The following OTOGL variants were observed in gnomAD, a reference collection of about 807,000 sequenced individuals.
The protein encoded by OTOGL is otogelin like, also known as otogelin-like protein.
OTOGL carries 285 observed loss-of-function variants against 318.5 expected under a neutral mutation model. The ratio of observed to expected loss-of-function variants is 0.89; its 90% confidence interval spans 0.81 to 0.99. The LOEUF is 0.99. Among genes scored for constraint, OTOGL ranks in the 50% least tolerant of loss-of-function variants. The pLI is 0.00. For missense variants in OTOGL, 2,899 were observed against 2,845.6 expected (o/e 1.02, Z -0.43); for synonymous variants, 987 against 936.5 (o/e 1.05, Z -0.99).
chr12:80,363,510 T>A (rs76819026), intron 52 of OTOGL, among the ~76,000 whole-genome samples: 1,516 of 150,034 alleles, frequency 0.01, 20 homozygotes, highest in African/African-American at 0.035. Context: ...TTGTAACAAG[T>A]TGAACAAATG....
chr12:80,214,949 T>G (rs1877573477), intron 4 of OTOGL, among the ~76,000 whole-genome samples: 1 of 152,124 alleles, frequency 6.6e-6, no homozygotes, highest in Non-Finnish European at 1.5e-5. Context: ...CTTGGTGAAA[T>G]GTATTATGAT....
chr12:80,238,088 A>T (rs1880025756), intron 9 of OTOGL, among the ~76,000 whole-genome samples: 1 of 152,244 alleles, frequency 6.6e-6, no homozygotes, highest in African/African-American at 2.4e-5. Context: ...TAGAGAGACA[A>T]CTTAAAAACT....
chr12:80,130,637 G>A (rs1592477757), intron 1 of OTOGL, among the ~76,000 whole-genome samples: 1 of 152,314 alleles, frequency 6.6e-6, no homozygotes, highest in East Asian at 1.9e-4. Context: ...AAGTTCTACA[G>A]TATATGCTGT....
rs771173954 is a variant in OTOGL at position 80,355,843 on chromosome 12, A to G, written c.5701A>G (p.Ile1901Val). The G allele has an allele frequency of 5.6e-6, 9 of 1,613,970 alleles. No homozygotes were observed. The highest frequency in any genetic ancestry group is 3.3e-4 in the Middle Eastern group (2 of 6,060). ...KCLENGSIIPIEPDCDEEPTP... is the reference protein window; with the variant it reads ...KCLENGSIIPVEPDCDEEPTP... ...TTTGGAGAATGGAAGCATTATCCCT[A>G]TAGAACCTGACTGTGATGAAGAGCC... The change falls in exon 47 of 59, where the codon ATA (isoleucine) becomes GTA (valine). Residue 1901 changes from isoleucine (I) to valine (V), a missense_variant. Ile to Val is a conservative substitution (Grantham distance 29). Transcript: ENST00000547103.
At chr12:80,168,996 C>A (rs1230034946) in intron 1 of OTOGL, among the ~76,000 whole-genome samples, 1 of 152,150 alleles carries the variant, frequency 6.6e-6, no homozygotes, top group African/African-American at 2.4e-5. Flanking sequence ...CTTCTCTAGA[C>A]TGGTGGCTCA....
At chr12:80,364,637 C>G (rs1890421489) in intron 52 of OTOGL, among the ~76,000 whole-genome samples, 1 of 152,024 alleles carries the variant, frequency 6.6e-6, no homozygotes. Context: ...TATTTCTGTT[C>G]TTGGTATTTC....
At chr12:80,212,946 C>A (rs1263767453) in intron 4 of OTOGL, among the ~76,000 whole-genome samples, 1 of 152,004 alleles carries the variant, frequency 6.6e-6, no homozygotes, top group Non-Finnish European at 1.5e-5. Flanking sequence ...GGGGTCCTGA[C>A]CCAGATCCCA....
rs767927262 is a variant in OTOGL, at chr12:80,313,504, G to T, written c.3479G>T (p.Cys1160Phe). The T allele has an allele frequency of 6.2e-7, 1 of 1,611,896 alleles. No individual in the cohort carries two copies. Among genetic ancestry groups the T allele is most frequent in the Non-Finnish European group, 8.5e-7 (1 of 1,178,450 alleles). Residue 1160 changes from cysteine to phenylalanine, a missense_variant, in exon 31 of 59, where the codon TGT (cysteine) becomes TTT (phenylalanine). Cys to Phe is a radical substitution (Grantham distance 205, BLOSUM62 -2). This residue lies in a region of OTOGL where 2,607 missense variants were observed against 2,524.9 expected (regional missense o/e 1.03). Transcript: ENST00000547103. ...GACGTTACTTCTTTTGCCAAAAATT[G>T]TCATGAAGATACATGTAACTGCAAT... ...VIDVTSFAKNCHEDTCNCNLG... is the reference protein window; with the variant it reads ...VIDVTSFAKNFHEDTCNCNLG...
chr12:80,309,852 A>T (rs1886511676), intron 29 of OTOGL, among the ~76,000 whole-genome samples: 1 of 152,110 alleles, frequency 6.6e-6, no homozygotes, highest in Non-Finnish European at 1.5e-5. Flanking sequence ...CAGGAAGGAG[A>T]TGTGGGATGG....
rs995202995 is a variant in OTOGL at position 80,367,556 on chromosome 12, C to G, written c.6332-5C>G. On this transcript the variant is annotated splice_region_variant and splice_polypyrimidine_tract_variant and intron_variant, in intron 53 of 58. Coordinates refer to ENST00000547103, the MANE Select transcript of OTOGL (RefSeq NM_001378609.3). ...TTTCTTATTGACTATGTTTTCTGTT[C>G]TTAGAAAAGGATGATGTGTGTGTAT... 1 of 1,494,366 alleles carries G rather than the reference C, an allele frequency of 6.7e-7. No homozygotes were observed. Among genetic ancestry groups the G allele is most frequent in the African/African-American group, 1.4e-5 (1 of 70,584 alleles). 92.6% of individuals were successfully genotyped at this position (1,494,366 alleles called of 1,614,324 possible).
At chr12:80,127,176 G>T (rs1258844380) in intron 1 of OTOGL, among the ~76,000 whole-genome samples, 3 of 152,130 alleles carry the variant, frequency 2.0e-5, no homozygotes, top group Non-Finnish European at 2.9e-5. Context: ...GCAGTGGCTG[G>T]TACCGGTTTT....
At chr12:80,217,168 TG>T (rs974066256) in intron 4 of OTOGL, among the ~76,000 whole-genome samples, 6 of 151,992 alleles carry the variant, frequency 3.9e-5, no homozygotes, top group Non-Finnish European at 5.9e-5. Context: ...TATCTGCGCC[TG>T]GAAGTGTCAG....
At chr12:80,175,686 G>C (rs78537434) in intron 1 of OTOGL, among the ~76,000 whole-genome samples, 1 of 152,190 alleles carries the variant, frequency 6.6e-6, no homozygotes, top group East Asian at 1.9e-4. Flanking sequence ...GAGTGACTTG[G>C]CAACTCTATG....
chr12:80,309,015 G>A (rs969618968), intron 29 of OTOGL, among the ~76,000 whole-genome samples: 6 of 134,726 alleles, frequency 4.5e-5, no homozygotes, highest in Non-Finnish European at 9.6e-5. Flanking sequence ...AGGGAGAGAA[G>A]AAGTAACTAT....
intron 52 of OTOGL, chr12:80,361,045 A>T (rs1302004513): frequency 6.6e-6 from 1 of 151,978 alleles, no homozygotes; most frequent in African/African-American, 2.4e-5. Flanking sequence ...GTTACTAATG[A>T]TTGTCATTAT....
At chr12:80,101,019 A>C (rs554894179) in intron 1 of OTOGL, among the ~76,000 whole-genome samples, 65 of 152,314 alleles carry the variant, frequency 4.3e-4, no homozygotes, top group Non-Finnish European at 1.0e-4. Context: ...GCATTTAAAT[A>C]AGAACTTGAA....
chr12:80,122,635 A>G (rs1030266423), intron 1 of OTOGL, among the ~76,000 whole-genome samples: 2 of 152,158 alleles, frequency 1.3e-5, no homozygotes, highest in African/African-American at 4.8e-5. Flanking sequence ...CAAGAAGCAA[A>G]AGAAATGAGG....
intron 37 of OTOGL, among the ~76,000 whole-genome samples, chr12:80,329,452 G>A (rs982113015): frequency 1.3e-5 from 2 of 151,748 alleles, no homozygotes; most frequent in African/African-American, 4.8e-5. Context: ...TAGATTCCTT[G>A]GACTTCCCTC....
intron 13 of OTOGL, among the ~76,000 whole-genome samples, chr12:80,253,147 A>G (rs1881721787): frequency 6.6e-6 from 1 of 152,160 alleles, no homozygotes; most frequent in Admixed American, 6.5e-5. Flanking sequence ...TAAACTAAAA[A>G]TGTACTTTCT....
Sources: allele counts gnomAD v4.1 joint callset (sites outside exome capture counted in the v4.1 genomes callset), GRCh38; gene constraint gnomAD v4.1.1; regional missense constraint gnomAD v4.1.1; transcripts MANE v1.5; gene names NCBI Gene and HGNC (gene_info 2026-07-23, HGNC 2026-07-21).